GPATCH2L: variants seen among roughly 807,000 people sequenced by gnomAD.
GPATCH2L encodes the protein G-patch domain containing 2 like.
A neutral mutation model predicts 57.4 loss-of-function variants in GPATCH2L; 31 were observed. The ratio of observed to expected loss-of-function variants is 0.54; its 90% confidence interval spans 0.41 to 0.73. The LOEUF (loss-of-function observed/expected upper bound fraction) is 0.73. GPATCH2L is among the 30% of genes least tolerant of loss of function. GPATCH2L has a pLI of 0.00. For synonymous variants in GPATCH2L, 199 were observed against 210.7 expected (o/e 0.94, Z 0.48); for missense variants, 481 against 599.9 (o/e 0.80, Z 2.07).
intron 8 of GPATCH2L, among the ~76,000 whole-genome samples, chr14:76,192,774 T>G (rs2040021283): frequency 6.6e-6 from 1 of 152,182 alleles, no homozygotes; most frequent in African/African-American, 2.4e-5. Flanking sequence ...AAGTATATAC[T>G]TTTACAATAA....
intron 8 of GPATCH2L, 129 bp downstream of exon 8, chr14:76,180,978 G>A: frequency 1.6e-6 from 1 of 643,886 alleles, no homozygotes; most frequent in Non-Finnish European, 2.8e-6. Flanking sequence ...GAGGTAAATA[G>A]ATGTTTTACA....
intron 3 of GPATCH2L, among the ~76,000 whole-genome samples, chr14:76,166,935 C>T (rs777924292): frequency 2.0e-5 from 3 of 152,074 alleles, no homozygotes; most frequent in South Asian, 2.1e-4. Context: ...CCCCTGGAAT[C>T]TGCATTTTTC....
chr14:76,177,811 T>A, intron 6 of GPATCH2L, 177 bp from the exon 7 acceptor site: 1 of 812,258 alleles, frequency 1.2e-6, no homozygotes, highest in Admixed American at 2.2e-5. Context: ...TATTCCAACA[T>A]CTTATCTTCT....
intron 2 of GPATCH2L, among the ~76,000 whole-genome samples, chr14:76,158,924 C>A (rs918149005): frequency 6.6e-6 from 1 of 152,096 alleles, no homozygotes; most frequent in African/African-American, 2.4e-5. Context: ...AAGAGTCTAC[C>A]TCTTAAAAGA....
chr14:76,153,271 T>C (rs2038139785), intron 1 of GPATCH2L, among the ~76,000 whole-genome samples: 1 of 152,246 alleles, frequency 6.6e-6, no homozygotes, highest in South Asian at 2.1e-4. Context: ...TGAAATACTT[T>C]GGGCATAGAG....
chr14:76,158,391 A>T (rs923029775), intron 2 of GPATCH2L, among the ~76,000 whole-genome samples: 1 of 152,202 alleles, frequency 6.6e-6, no homozygotes, highest in African/African-American at 2.4e-5. Context: ...GCTCAGAAGC[A>T]AGAATAAGTG....
At chr14:76,170,347 T>G (rs1321467889) in intron 3 of GPATCH2L, among the ~76,000 whole-genome samples, 1 of 152,192 alleles carries the variant, frequency 6.6e-6, no homozygotes, top group Non-Finnish European at 1.5e-5. Flanking sequence ...ATTTTGCTAT[T>G]TTGCAAGGGG....
At position 76,208,616 on chromosome 14, in the gene GPATCH2L, A is replaced by T. The variant is rs1013743532; in HGVS notation, c.*6765A>T. The T allele has an allele frequency of 2.0e-5, 3 of 152,858 alleles. 1 individual carries two copies. The Admixed American group carries it at 2.0e-4, about 10-fold the overall frequency. The allele number at this position is 152,858 out of a possible 1,614,324, so 9.5% of individuals were successfully genotyped here. ...CTTCTTGCCAGTGCCTGTCCTGCCC[A>T]AGACGAACCCCTTTTCCTGTGCCCT... On this transcript the variant is annotated 3_prime_UTR_variant, in exon 10 of 10. Coordinates refer to ENST00000261530, the MANE Select transcript of GPATCH2L (RefSeq NM_017926.4).
chr14:76,228,228 A>G (rs555654536), intron 1 of GPATCH2L, among the ~76,000 whole-genome samples: 1 of 152,064 alleles, frequency 6.6e-6, no homozygotes, highest in African/African-American at 2.4e-5. Flanking sequence ...CTGAAACCCC[A>G]GAAGGAACAA....
At chr14:76,196,115 G>C (rs1378943993) in intron 9 of GPATCH2L, 143 bp downstream of exon 9, 3 of 738,340 alleles carry the variant, frequency 4.1e-6, no homozygotes, top group Non-Finnish European at 7.3e-6. Flanking sequence ...GAGACTACAA[G>C]AAATAATTAG....
At chr14:76,190,256 C>T (rs1186209554) in intron 8 of GPATCH2L, among the ~76,000 whole-genome samples, 1 of 152,038 alleles carries the variant, frequency 6.6e-6, no homozygotes, top group East Asian at 1.9e-4. Flanking sequence ...TGTGTTTATG[C>T]TTGGATAGAA....
chr14:76,178,136 T>C, intron 7 of GPATCH2L, 94 bp downstream of exon 7: 1 of 1,260,540 alleles, frequency 7.9e-7, no homozygotes, highest in South Asian at 1.2e-5. Context: ...AGCTAATTCC[T>C]CTTTGTAGGT....
Position 76,207,866 on chromosome 14 carries a change from G to C in GPATCH2L, c.*6015G>C, listed in dbSNP as rs1198897404. On this transcript the variant is annotated 3_prime_UTR_variant, in exon 10 of 10. Transcript: ENST00000261530. ...TCTTCATATTTTACCTTTATTAATT[G>C]GGCTGGGTCCTAACTGGTTGCCAGA... 1 of 152,000 alleles carries C rather than the reference G, an allele frequency of 6.6e-6. No individual in the cohort carries two copies. Among genetic ancestry groups the C allele is most frequent in the East Asian group, 1.9e-4 (1 of 5,186 alleles). The allele number at this position is 152,000 out of a possible 1,614,324, so 9.4% of individuals were successfully genotyped here.
intron 1 of GPATCH2L, among the ~76,000 whole-genome samples, chr14:76,222,896 C>T (rs886435551): frequency 6.7e-6 from 1 of 148,300 alleles, no homozygotes; most frequent in Non-Finnish European, 1.5e-5. Flanking sequence ...GTGAAGATTG[C>T]AGTGAGCCGA....
downstream of GPATCH2L, among the ~76,000 whole-genome samples, chr14:76,217,313 A>G (rs1360342778): frequency 6.6e-6 from 1 of 152,110 alleles, no homozygotes; most frequent in Non-Finnish European, 1.5e-5. Context: ...TGCTATCCAA[A>G]CTTTTATTTA....
downstream of GPATCH2L, among the ~76,000 whole-genome samples, chr14:76,214,986 C>T (rs2040480200): frequency 6.6e-6 from 1 of 151,926 alleles, no homozygotes; most frequent in Admixed American, 6.6e-5. Flanking sequence ...TACCCAGGTA[C>T]TGAGCATCCG....
intron 1 of GPATCH2L, chr14:76,153,134 C>T (rs1192206068): frequency 4.8e-6 from 1 of 206,466 alleles, no homozygotes; most frequent in African/African-American, 2.4e-5. Context: ...GACTGTTTTC[C>T]TGTCTTTAAG....
intron 5 of GPATCH2L, chr14:76,176,202 C>G (rs2039318415): frequency 1.3e-5 from 2 of 155,886 alleles, no homozygotes; most frequent in African/African-American, 2.4e-5. Context: ...GGTAATGTCC[C>G]AGGATGAAGG....
intron 3 of GPATCH2L, among the ~76,000 whole-genome samples, chr14:76,169,898 G>A (rs922665706): frequency 2.0e-5 from 3 of 152,118 alleles, no homozygotes; most frequent in South Asian, 2.1e-4. Flanking sequence ...CTCAAAACGT[G>A]GTCCCCAGGC....
Sources: allele counts gnomAD v4.1 joint callset (sites outside exome capture counted in the v4.1 genomes callset), GRCh38; gene constraint gnomAD v4.1.1; transcripts MANE v1.5; gene names NCBI Gene and HGNC (gene_info 2026-07-23, HGNC 2026-07-21).